Variants in TNFAIP8 observed in about 807,000 individuals in gnomAD.
TNFAIP8 encodes TNF alpha induced protein 8, also known as tumor necrosis factor alpha-induced protein 8.
A neutral mutation model predicts 13.3 loss-of-function variants in TNFAIP8; 7 were observed. The ratio of observed to expected loss-of-function variants is 0.52; its 90% CI spans 0.30 to 0.99. TNFAIP8 has a LOEUF of 0.99. TNFAIP8 is among the 50% of genes least tolerant of loss of function. The probability of loss-of-function intolerance (pLI) is 0.07; values close to 1 mark genes in which losing one functional copy is unlikely to be tolerated. For missense variants in TNFAIP8, 258 were observed against 236.9 expected, an observed-to-expected ratio of 1.09 and a Z score of -0.58; for synonymous variants, 94 against 87.6, an observed-to-expected ratio of 1.07 and a Z score of -0.41.
chr5:119,324,660 T>C (rs1378787495), intron 1 of TNFAIP8, among the ~76,000 whole-genome samples: 2 of 152,132 alleles, frequency 1.3e-5, no homozygotes, highest in Non-Finnish European at 2.9e-5. Flanking sequence ...CACAGGGTTT[T>C]TGAAACCTTT....
At chr5:119,323,167 C>A (rs1419671763) in intron 1 of TNFAIP8, among the ~76,000 whole-genome samples, 1 of 152,156 alleles carries the variant, frequency 6.6e-6, no homozygotes, top group Non-Finnish European at 1.5e-5. Flanking sequence ...GGCAGTTGCA[C>A]CCCCTACACT....
chr5:119,277,065 G>A (rs1383991028), intron 1 of TNFAIP8, among the ~76,000 whole-genome samples: 2 of 152,084 alleles, frequency 1.3e-5, no homozygotes, highest in Non-Finnish European at 1.5e-5. Flanking sequence ...ACAATATATT[G>A]TAATAAGATT....
At chr5:119,274,271 G>T (rs1748376906) in intron 1 of TNFAIP8, among the ~76,000 whole-genome samples, 1 of 152,220 alleles carries the variant, frequency 6.6e-6, no homozygotes, top group African/African-American at 2.4e-5. Flanking sequence ...CTTTGGTCAC[G>T]TAAATCTTTG....
chr5:119,343,042 C>T (rs1581622154), intron 1 of TNFAIP8, among the ~76,000 whole-genome samples: 1 of 152,314 alleles, frequency 6.6e-6, no homozygotes, highest in East Asian at 1.9e-4. Context: ...TGGGCAGCCG[C>T]TGCTGGTGTC....
In TNFAIP8 at chr5:119,282,063, T is replaced by C. The variant is rs1241706476; in HGVS notation, c.1+13156T>C. ...GCTATACGTGCTACTCTTTTAGCAC[T>C]TTTCAGAGTATCAACTATATATCAT... On this transcript the variant is annotated intron_variant, in intron 1 of 1. Transcript: ENST00000274456. Among the ~76,000 whole-genome samples the C allele has an allele frequency of 2.6e-5, 4 of 152,248 alleles. No homozygotes were observed. In the East Asian group the frequency reaches 7.7e-4, roughly 29 times the overall value.
At chr5:119,314,926 G>A (rs1424908326) in intron 1 of TNFAIP8, among the ~76,000 whole-genome samples, 1 of 152,132 alleles carries the variant, frequency 6.6e-6, no homozygotes, top group African/African-American at 2.4e-5. Context: ...CTGTCACCTA[G>A]GCTGGAGTGC....
At chr5:119,300,272 C>T (rs1749345192) in intron 1 of TNFAIP8, among the ~76,000 whole-genome samples, 1 of 152,202 alleles carries the variant, frequency 6.6e-6, no homozygotes. Context: ...CCAGTACCTT[C>T]TTAGCAGGAA....
chr5:119,330,237 G>A (rs1750334140), intron 1 of TNFAIP8, among the ~76,000 whole-genome samples: 1 of 152,152 alleles, frequency 6.6e-6, no homozygotes, highest in African/African-American at 2.4e-5. Flanking sequence ...TAAGCACTAG[G>A]GATTAGGGAA....
At chr5:119,365,563 T>C (rs1192539195) in intron 1 of TNFAIP8, among the ~76,000 whole-genome samples, 2 of 152,230 alleles carry the variant, frequency 1.3e-5, no homozygotes, top group Admixed American at 1.3e-4. Flanking sequence ...GGCCTGCCTC[T>C]TCATTCAGTT....
intron 1 of TNFAIP8, among the ~76,000 whole-genome samples, chr5:119,381,347 C>T (rs1303802673): frequency 6.6e-6 from 1 of 152,044 alleles, no homozygotes; most frequent in Non-Finnish European, 1.5e-5. Context: ...TCAAGACCAT[C>T]GTAGGCAACA....
upstream of TNFAIP8, among the ~76,000 whole-genome samples, chr5:119,352,842 C>G (rs1178542597): frequency 1.3e-5 from 2 of 151,430 alleles, no homozygotes; most frequent in Non-Finnish European, 2.9e-5. Flanking sequence ...AAGTTGAGTT[C>G]TTTAGGTCTG....
In TNFAIP8 at chr5:119,359,073, C is replaced by G. The variant is rs192939861; in HGVS notation, c.31+2952C>G. On this transcript the variant is annotated intron_variant, in intron 1 of 1. Transcript: ENST00000504771. ...CCTCAACGTCCTGTTCCCAGACTGA[C>G]AGACTCATCTCCGTCCACATCTATC... Among the ~76,000 whole-genome samples the G allele has an allele frequency of 8.9e-4, 136 of 152,298 alleles. 2 individuals carry two copies. Among genetic ancestry groups the G allele is most frequent in the African/African-American group, 3.2e-3 (131 of 41,562 alleles).
At chr5:119,308,615 A>G (rs1374980814) in intron 1 of TNFAIP8, among the ~76,000 whole-genome samples, 1 of 151,674 alleles carries the variant, frequency 6.6e-6, no homozygotes, top group Non-Finnish European at 1.5e-5. Context: ...CCTGTAATCC[A>G]CCACTTTGGG....
intron 1 of TNFAIP8, among the ~76,000 whole-genome samples, chr5:119,335,434 A>C (rs990785955): frequency 2.6e-5 from 4 of 152,092 alleles, no homozygotes; most frequent in Admixed American, 2.6e-4. Context: ...AGCAGGAAGC[A>C]GTGCTTGGGA....
At position 119,393,731 on chromosome 5, in the gene TNFAIP8, G is replaced by A. The variant is rs1323208839; in HGVS notation, c.*350G>A. 4.7e-6 allele frequency: 1 copy of A among 213,044 alleles called. No individual in the cohort carries two copies. Among genetic ancestry groups the A allele is most frequent in the East Asian group, 1.0e-4 (1 of 9,578 alleles). The allele number at this position is 213,044 out of a possible 1,614,324, so 13.2% of individuals were successfully genotyped here. On this transcript the variant is annotated 3_prime_UTR_variant, in exon 2 of 2. Transcript: ENST00000504771. Reference sequence around the variant, plus strand: ...GTGGCACATTGGATATTTCTAACATGTACAAAGCTATGTATTTTGATTTAC... The same window carrying A: ...GTGGCACATTGGATATTTCTAACATATACAAAGCTATGTATTTTGATTTAC...
At chr5:119,315,663 G>C (rs73794122) in intron 1 of TNFAIP8, among the ~76,000 whole-genome samples, 1 of 152,066 alleles carries the variant, frequency 6.6e-6, no homozygotes, top group African/African-American at 2.4e-5. Context: ...AGAAGACCCC[G>C]AGGTGTAATG....
At chr5:119,391,448 T>C (rs540714272) in intron 1 of TNFAIP8, 1 of 702,068 alleles carries the variant, frequency 1.4e-6, no homozygotes, top group East Asian at 2.7e-5. Context: ...GAACTGCAGT[T>C]CTTAAGCCTT....
intron 1 of TNFAIP8, among the ~76,000 whole-genome samples, chr5:119,337,457 G>A (rs1750591833): frequency 6.6e-6 from 1 of 152,124 alleles, no homozygotes; most frequent in South Asian, 2.1e-4. Context: ...TGGTCTTTTG[G>A]TTTCTATTTT....
In TNFAIP8 at chr5:119,394,108, TTA is replaced by T. The variant is rs1295900637; in HGVS notation, c.*729_*730del. ...TTGAAATGCTTGCTTAGGGCTTCTT[TTA>T]TGTTATCTTAAAAAGTGCTGGTGAA... On this transcript the variant is annotated 3_prime_UTR_variant, in exon 2 of 2. Coordinates refer to ENST00000504771, the MANE Select transcript of TNFAIP8 (RefSeq NM_014350.4). 5 of 152,234 alleles carry T rather than the reference TTA, an allele frequency of 3.3e-5. No homozygotes were observed. Among genetic ancestry groups the T allele is most frequent in the Non-Finnish European group, 5.9e-5 (4 of 68,026 alleles). 9.4% of individuals were successfully genotyped at this position (152,234 alleles called of 1,614,324 possible).
Sources: allele counts gnomAD v4.1 joint callset (sites outside exome capture counted in the v4.1 genomes callset), GRCh38; gene constraint gnomAD v4.1.1; transcripts MANE v1.5; gene names NCBI Gene and HGNC (gene_info 2026-07-23, HGNC 2026-07-21).